Variants in ARMCX4 observed in about 807,000 individuals in gnomAD.
ARMCX4 encodes armadillo repeat containing X-linked 4.
ARMCX4 carries 3 observed loss-of-function variants against 34.7 expected under a neutral mutation model. That is an observed-to-expected ratio of 0.09 (90% CI 0.04 to 0.22). The LOEUF is 0.22. ARMCX4 is among the 10% of genes least tolerant of loss of function. The pLI is 1.00. For synonymous variants in ARMCX4, 513 were observed against 632.8 expected, an observed-to-expected ratio of 0.81 and a Z score of 2.84; for missense variants, 1,448 against 1,720.8, an observed-to-expected ratio of 0.84 and a Z score of 2.81.
chrX:101,496,139 CGA>C (rs1265130542), downstream of ARMCX4, among the ~76,000 whole-genome samples: 3 of 108,417 alleles, frequency 2.8e-5, no homozygotes, highest in Middle Eastern at 4.9e-3. Flanking sequence ...AGGGTAGTGA[CGA>C]GAGAGAGAGA....
At chrX:101,511,516 C>T (rs1479841925) in intron 11 of ARMCX4, among the ~76,000 whole-genome samples, 2 of 111,277 alleles carry the variant, frequency 1.8e-5, no homozygotes, top group African/African-American at 6.5e-5. Context: ...GTCTTGGTCT[C>T]ACCAAAACAA....
chrX:101,484,920 G>GA (rs77555033), upstream of ARMCX4, among the ~76,000 whole-genome samples: 53,643 of 108,377 alleles, frequency 0.49, 10,809 homozygotes, highest in Non-Finnish European at 0.62. Flanking sequence ...CATATTAAAA[G>GA]AAAAAAAAGG....
At chrX:101,439,236 G>A (rs1931056634) in intron 2 of ARMCX4, among the ~76,000 whole-genome samples, 1 of 111,489 alleles carries the variant, frequency 9.0e-6, no homozygotes, top group Non-Finnish European at 1.9e-5. Context: ...ATGAAGCTTA[G>A]TTTGGCTGGA....
downstream of ARMCX4, among the ~76,000 whole-genome samples, chrX:101,449,652 G>A (rs1186089569): frequency 2.7e-5 from 3 of 111,765 alleles, no homozygotes; most frequent in African/African-American, 9.8e-5. Flanking sequence ...CCTCAATACA[G>A]CTATTTTGAA....
intron 2 of ARMCX4, among the ~76,000 whole-genome samples, chrX:101,427,201 TA>T (rs1478608942): frequency 8.9e-6 from 1 of 112,603 alleles, no homozygotes; most frequent in East Asian, 2.8e-4. Flanking sequence ...TCAGTGTTTT[TA>T]AAATCTACTA....
intron 2 of ARMCX4, among the ~76,000 whole-genome samples, chrX:101,428,467 C>T (rs1929769977): frequency 8.9e-6 from 1 of 112,335 alleles, no homozygotes; most frequent in Non-Finnish European, 1.9e-5. Flanking sequence ...GTATACATAT[C>T]AATTTCATTA....
chrX:101,434,990 G>C (rs1555994007), intron 2 of ARMCX4, among the ~76,000 whole-genome samples: 1 of 111,226 alleles, frequency 9.0e-6, no homozygotes, highest in African/African-American at 3.3e-5. Flanking sequence ...TGGCTGCATA[G>C]TATTCCATGG....
intron 4 of ARMCX4, among the ~76,000 whole-genome samples, chrX:101,463,864 C>T (rs1035930613): frequency 9.1e-6 from 1 of 110,397 alleles, no homozygotes; most frequent in Non-Finnish European, 1.9e-5. Flanking sequence ...ATGGATCCTC[C>T]CACCTCAGCC....
intron 11 of ARMCX4, among the ~76,000 whole-genome samples, chrX:101,515,824 G>A (rs951544885): frequency 1.2e-4 from 13 of 110,066 alleles, no homozygotes; most frequent in African/African-American, 4.0e-4. Flanking sequence ...TTACAGGCGT[G>A]AGCCACTGTG....
rs1934114608 is a variant in ARMCX4 at position 101,494,144 on chromosome X, G to T, written c.5555G>T (p.Trp1852Leu). The change falls in exon 6 of 6, where the codon TGG becomes TTG. Residue 1852 changes from tryptophan to leucine, a missense_variant. Trp to Leu is a moderately conservative substitution (Grantham distance 61). Transcript: ENST00000423738. ...GPGTESGAGI[W>L]SWDGDATTVE... ...GGGACTGAGTCTGGGGCTGGGATTTGGTCCTGGGATGGAGATGCAACCACT... is the reference window on the plus strand; with the variant it reads ...GGGACTGAGTCTGGGGCTGGGATTTTGTCCTGGGATGGAGATGCAACCACT... 2 of 1,051,470 alleles carry T rather than the reference G, an allele frequency of 1.9e-6. No homozygotes were observed. The highest frequency in any genetic ancestry group is 2.5e-6 in the Non-Finnish European group (2 of 815,186). The allele number at this position is 1,051,470 out of a possible 1,213,427, so 86.7% of individuals were successfully genotyped here.
rs1930293248 is a variant in ARMCX4, at chrX:101,433,006, A to ATATACACACATATGTATACATACACGTG, written n.165-11042_165-11041insCACACATATGTATACATACACGTGTATA. ...TACACACATGTATACATATATGTGT[A>ATATACACACATATGTATACATACACGTG]TATATACACATATGTATACATACAC... On this transcript the variant is annotated intron_variant and non_coding_transcript_variant, in intron 2 of 3. Transcript: ENST00000430461. Among the ~76,000 whole-genome samples the ATATACACACATATGTATACATACACGTG allele has an allele frequency of 4.6e-3, 216 of 47,246 alleles. 17 individuals carry two copies. Among genetic ancestry groups the ATATACACACATATGTATACATACACGTG allele is most frequent in the Non-Finnish European group, 7.2e-3 (131 of 18,188 alleles). The allele number at this position is 47,246 out of a possible 115,157, so 41.0% of individuals were successfully genotyped here.
chrX:101,497,690 C>T (rs1245000780), downstream of ARMCX4, among the ~76,000 whole-genome samples: 2 of 111,826 alleles, frequency 1.8e-5, no homozygotes, highest in Non-Finnish European at 3.8e-5. Flanking sequence ...AATGGAGGCT[C>T]ACATATTTAT....
chrX:101,478,255 A>G (rs1205406174), intron 4 of ARMCX4, among the ~76,000 whole-genome samples: 1 of 112,258 alleles, frequency 8.9e-6, no homozygotes, highest in East Asian at 2.8e-4. Context: ...AAATCAACTG[A>G]CAAACTTTTA....
intron 2 of ARMCX4, among the ~76,000 whole-genome samples, chrX:101,425,593 C>T (rs1016924892): frequency 9.1e-6 from 1 of 109,796 alleles, no homozygotes; most frequent in Admixed American, 9.9e-5. Context: ...CGGGGTTTCA[C>T]CATGTTAGCC....
chrX:101,436,421 T>A (rs1930775581), intron 2 of ARMCX4, among the ~76,000 whole-genome samples: 2 of 109,792 alleles, frequency 1.8e-5, no homozygotes, highest in Admixed American at 9.8e-5. Flanking sequence ...GAATGGGAGT[T>A]CACTCATGAT....
intron 2 of ARMCX4, among the ~76,000 whole-genome samples, chrX:101,440,562 G>A (rs1603121458): frequency 1.8e-5 from 2 of 111,887 alleles, no homozygotes; most frequent in Non-Finnish European, 3.8e-5. Context: ...GCTATGTCCT[G>A]CCCCCAGAGG....
intron 4 of ARMCX4, among the ~76,000 whole-genome samples, chrX:101,477,430 C>CAAAAAAAAAAA: frequency 2.4e-4 from 3 of 12,494 alleles, no homozygotes; most frequent in Non-Finnish European, 3.8e-4. Context: ...GACTCTGTCT[C>CAAAAAAAAAAA]AAAAAAAAAA....
chrX:101,518,113 A>C (rs1029879720), intron 11 of ARMCX4, among the ~76,000 whole-genome samples: 2 of 112,258 alleles, frequency 1.8e-5, no homozygotes, highest in Admixed American at 9.4e-5. Flanking sequence ...CAATGTCTCT[A>C]AAATTCTGAA....
chrX:101,483,661 G>A (rs184024752), upstream of ARMCX4, among the ~76,000 whole-genome samples: 2 of 109,011 alleles, frequency 1.8e-5, no homozygotes, highest in East Asian at 5.6e-4. Flanking sequence ...ATTATTACAA[G>A]TTAGCCTTTT....
Sources: gnomAD v4.1 joint callset for allele counts (sites outside exome capture counted in the v4.1 genomes callset) on GRCh38, gnomAD v4.1.1 for gene constraint, MANE v1.5 for transcripts, NCBI Gene and HGNC (gene_info 2026-07-23, HGNC 2026-07-21) for gene names.